The following MRPS25 variants were observed in gnomAD, a reference collection of about 807,000 sequenced individuals.
MRPS25 encodes the protein small ribosomal subunit protein mS25.
In MRPS25, 15 loss-of-function variants were observed where a neutral mutation model predicts 17.3. The observed-to-expected ratio is 0.87, with a 90% CI of 0.58 to 1.34. The LOEUF (loss-of-function observed/expected upper bound fraction) is 1.34. Ranked by LOEUF, MRPS25 falls within the 40% of genes most tolerant of loss-of-function variation. The probability of loss-of-function intolerance (pLI) is 0.00; values close to 1 mark genes in which losing one functional copy is unlikely to be tolerated. For synonymous variants in MRPS25, 94 were observed against 83.3 expected (o/e 1.13, Z -0.70); for missense variants, 225 against 218.6 (o/e 1.03, Z -0.19).
At chr3:15,055,900 CG>C (rs1432114868) in intron 2 of MRPS25, among the ~76,000 whole-genome samples, 7 of 126,152 alleles carry the variant, frequency 5.5e-5, no homozygotes, top group African/African-American at 2.5e-4. Context: ...GAAAGCAGCC[CG>C]TTTTTTTTTT....
chr3:15,056,256 ATC>A (rs1188423869), intron 2 of MRPS25, among the ~76,000 whole-genome samples: 1 of 152,078 alleles, frequency 6.6e-6, no homozygotes, highest in Admixed American at 6.6e-5. Context: ...CAAAATAAAT[ATC>A]TGAGTGGCCA....
intron 1 of MRPS25, among the ~76,000 whole-genome samples, chr3:15,063,046 T>TG (rs1411178274): frequency 7.1e-6 from 1 of 140,560 alleles, no homozygotes; most frequent in Non-Finnish European, 1.5e-5. Flanking sequence ...AATGATCAAT[T>TG]GAAAAAAAAA....
downstream of MRPS25, chr3:15,044,264 ATC>A (rs1304023350): frequency 6.6e-6 from 1 of 152,188 alleles, no homozygotes; most frequent in Non-Finnish European, 1.5e-5. Context: ...TAGACTCAGC[ATC>A]TCTGTTGGCA....
chr3:15,042,475 C>G (rs527908753), downstream of MRPS25: 1 of 174,248 alleles, frequency 5.7e-6, no homozygotes, highest in African/African-American at 2.4e-5. Flanking sequence ...TCAGTAAATA[C>G]AGGTTTGTAT....
chr3:15,057,690 C>T (rs768367546), intron 2 of MRPS25, among the ~76,000 whole-genome samples: 1 of 152,154 alleles, frequency 6.6e-6, no homozygotes, highest in Non-Finnish European at 1.5e-5. Flanking sequence ...GGGGCATGTA[C>T]GTAAGTGTAC....
At chr3:15,045,374 AG>A (rs2042413269), downstream of MRPS25, 1 of 152,696 alleles carries the variant, frequency 6.5e-6, no homozygotes, top group Non-Finnish European at 1.5e-5. Flanking sequence ...AGGCTGGATA[AG>A]GAAGTGTTGG....
downstream of MRPS25, chr3:15,048,486 G>T (rs895812664): frequency 1.2e-4 from 19 of 152,634 alleles, no homozygotes; most frequent in African/African-American, 4.3e-4. Flanking sequence ...AATAATTTTG[G>T]TGTCTTGATA....
chr3:15,061,137 A>G (rs2042747909), intron 1 of MRPS25, among the ~76,000 whole-genome samples: 1 of 152,190 alleles, frequency 6.6e-6, no homozygotes, highest in Non-Finnish European at 1.5e-5. Flanking sequence ...AATGCAACAG[A>G]GATCTTAAAA....
At chr3:15,059,518 G>C in intron 1 of MRPS25, 43 bp from the exon 2 acceptor site, 1 of 1,391,838 alleles carries the variant, frequency 7.2e-7, no homozygotes, top group Non-Finnish European at 1.0e-6. Context: ...AGAGTTTTTA[G>C]CCTGAAATTT....
At chr3:15,056,559 T>G (rs1387531286) in intron 2 of MRPS25, among the ~76,000 whole-genome samples, 1 of 151,306 alleles carries the variant, frequency 6.6e-6, no homozygotes, top group African/African-American at 2.4e-5. Flanking sequence ...CAGAGGGAGG[T>G]GGAAGGATGG....
chr3:15,061,498 G>A (rs995298192), intron 1 of MRPS25, among the ~76,000 whole-genome samples: 2 of 152,200 alleles, frequency 1.3e-5, no homozygotes, highest in South Asian at 2.1e-4. Flanking sequence ...GATTGCAGAC[G>A]GTGTCTGGTT....
At chr3:15,057,886 T>C (rs1475543655) in intron 2 of MRPS25, among the ~76,000 whole-genome samples, 1 of 152,230 alleles carries the variant, frequency 6.6e-6, no homozygotes, top group African/African-American at 2.4e-5. Context: ...ACAGTACTAA[T>C]CTTCTCTTTT....
Position 15,052,028 on chromosome 3 carries a change from C to T in MRPS25, c.*413G>A. 2.0e-6 allele frequency: 2 copies of T among 1,000,210 alleles called. No homozygotes were observed. Among genetic ancestry groups the T allele is most frequent in the Non-Finnish European group, 2.4e-6 (2 of 839,390 alleles). 62.0% of individuals were successfully genotyped at this position (1,000,210 alleles called of 1,614,324 possible). A position where few individuals can be genotyped will look rare whatever the true frequency, so the allele number is the denominator to read the frequency against. On this transcript the variant is annotated 3_prime_UTR_variant, in exon 4 of 4. Coordinates refer to ENST00000253686, the MANE Select transcript of MRPS25 (RefSeq NM_022497.5). ...CACAGACAGTGCTAGCCAGACTCAA[C>T]CACAGCAGCCCTTATGTTCTCCAGA...
At chr3:15,063,438 G>T (rs950543031) in intron 1 of MRPS25, among the ~76,000 whole-genome samples, 2 of 152,156 alleles carry the variant, frequency 1.3e-5, no homozygotes, top group African/African-American at 4.8e-5. Flanking sequence ...TGGGGCAGCT[G>T]AAGGGCTGAG....
At chr3:15,062,605 T>C (rs113312453) in intron 1 of MRPS25, among the ~76,000 whole-genome samples, 2,064 of 151,726 alleles carry the variant, frequency 0.014, 49 homozygotes, top group African/African-American at 0.047. Context: ...ATGATGACAA[T>C]GGCAGTTTTG....
At chr3:15,042,607 CAA>C (rs978590954), downstream of MRPS25, 95 of 411,592 alleles carry the variant, frequency 2.3e-4, no homozygotes, top group African/African-American at 1.1e-3. Flanking sequence ...TTGGAATAAA[CAA>C]GAGTGAAGGG....
chr3:15,065,173 G>C lies in MRPS25; in HGVS notation c.22C>G (p.Pro8Ala). 5.0e-6 allele frequency: 8 copies of C among 1,605,190 alleles called. No homozygotes were observed. Among genetic ancestry groups the C allele is most frequent in the Non-Finnish European group, 6.8e-6 (8 of 1,176,276 alleles). ...AGATATTGCAGGGTGCGGCGGATGG[G>C]GAAGCGGCCCTTCATGGGCATGGCG... The part of the protein sequence containing the change: MPMKGRF[P>A]IRRTLQYLSQ... The change falls in exon 1 of 4, where the codon CCC becomes GCC. Residue 8 changes from proline to alanine, a missense_variant. Pro to Ala is a conservative substitution (Grantham distance 27). Transcript: ENST00000253686.
Position 15,057,559 on chromosome 3 carries a change from A to T in MRPS25, c.241+1810T>A, listed in dbSNP as rs143030101. 2.0e-5 allele frequency among the ~76,000 whole-genome samples: 3 copies of T among 152,350 alleles called. No homozygotes were observed. The East Asian group carries it at 5.8e-4, about 29-fold the overall frequency. On this transcript the variant is annotated intron_variant, in intron 2 of 3. Transcript: ENST00000253686. ...TACTGTGAGATTCTAGTTACATGAC[A>T]TTCTAAAACAAAATGCATCTATAGT...
At position 15,065,119 on chromosome 3, in the gene MRPS25, A is replaced by T. The variant is rs2042836440; in HGVS notation, c.76T>A (p.Ser26Thr). Residue 26 changes from serine to threonine, a missense_variant, in exon 1 of 4, where the codon TCC (serine) becomes ACC (threonine). Ser to Thr is a moderately conservative substitution (Grantham distance 58). Transcript: ENST00000253686. ...TAATTCACTGTCATGACCTTCACGG[A>T]GTCCTTGAACACCACGTTCCCCTGG... is the stretch of plus-strand genomic sequence containing the variant. ...LSQGNVVFKDSVKVMTVNYNT... is the reference protein window; with the variant it reads ...LSQGNVVFKDTVKVMTVNYNT... The T allele has an allele frequency of 6.2e-7, 1 of 1,609,238 alleles. No individual in the cohort carries two copies. Among genetic ancestry groups the T allele is most frequent in the Non-Finnish European group, 8.5e-7 (1 of 1,178,138 alleles).
Sources: allele counts gnomAD v4.1 joint callset (sites outside exome capture counted in the v4.1 genomes callset), GRCh38; gene constraint gnomAD v4.1.1; transcripts MANE v1.5; gene names NCBI Gene and HGNC (gene_info 2026-07-23, HGNC 2026-07-21).